CREB1: variants seen among roughly 807,000 people sequenced by gnomAD.
The protein encoded by CREB1 is cyclic AMP-responsive element-binding protein 1.
A neutral mutation model predicts 42.0 loss-of-function variants in CREB1; 2 were observed. The ratio of observed to expected loss-of-function variants is 0.05; its 90% CI spans 0.02 to 0.15. The LOEUF is 0.15. CREB1 is among the 10% of genes least tolerant of loss of function. The pLI is 1.00. For synonymous variants in CREB1, 123 were observed against 139.9 expected (o/e 0.88, Z 0.85); for missense variants, 199 against 388.9 (o/e 0.51, Z 4.11).
intron 1 of CREB1, among the ~76,000 whole-genome samples, chr2:207,555,376 T>C (rs2081675988): frequency 6.6e-6 from 1 of 152,166 alleles, no homozygotes; most frequent in Non-Finnish European, 1.5e-5. Flanking sequence ...CAAGGTAATA[T>C]CCCATTGGGA....
chr2:207,580,949 A>G, intron 7 of CREB1: 1 of 216,824 alleles, frequency 4.6e-6, no homozygotes, highest in East Asian at 6.8e-5. Flanking sequence ...TGTTAGCCAC[A>G]GCACAGGCAA....
At chr2:207,592,450 T>G (rs1460271835) in intron 7 of CREB1, among the ~76,000 whole-genome samples, 1 of 151,676 alleles carries the variant, frequency 6.6e-6, no homozygotes, top group Non-Finnish European at 1.5e-5. Context: ...ATTTAAATGG[T>G]TTCTGACAAG....
In CREB1 at chr2:207,600,238, CATATATAT is replaced by C. The variant is rs71036937; in HGVS notation, c.*3198_*3205del. On this transcript the variant is annotated 3_prime_UTR_variant, in exon 8 of 8. Transcript: ENST00000353267. Reference sequence around the variant, plus strand: ...GTGGCATTTGTATAATATATGTGTACATATATATATATATATATATATATACATACAGT... The same window carrying C: ...GTGGCATTTGTATAATATATGTGTACATATATATATATATATACATACAGT... 1.6e-4 allele frequency: 24 copies of C among 145,678 alleles called. No homozygotes were observed. Among genetic ancestry groups the C allele is most frequent in the South Asian group, 2.3e-4 (1 of 4,424 alleles). 9.0% of individuals were successfully genotyped at this position (145,678 alleles called of 1,614,324 possible).
intron 2 of CREB1, among the ~76,000 whole-genome samples, chr2:207,558,116 A>G (rs1019036638): frequency 6.6e-5 from 10 of 152,230 alleles, no homozygotes; most frequent in African/African-American, 2.4e-4. Flanking sequence ...AGCAAGATTT[A>G]TAGTGGCCAG....
rs2086393578 is a variant in CREB1 at position 207,597,674 on chromosome 2, T to G, written c.*616T>G. 1 of 206,682 alleles carries G rather than the reference T, an allele frequency of 4.8e-6. No homozygotes were observed. The highest frequency in any genetic ancestry group is 9.9e-6 in the Non-Finnish European group (1 of 101,212). The allele number at this position is 206,682 out of a possible 1,614,324, so 12.8% of individuals were successfully genotyped here. The stretch of plus-strand genomic sequence containing the variant: ...CTTCTTCAATACTGAAAATTTGTCC[T>G]TGGTTCTTAAAAGCATTCTGTACTA... On this transcript the variant is annotated 3_prime_UTR_variant, in exon 8 of 8. Coordinates refer to ENST00000353267, the MANE Select transcript of CREB1 (RefSeq NM_004379.5).
chr2:207,531,648 G>A (rs1182326442), intron 1 of CREB1, among the ~76,000 whole-genome samples: 1 of 152,120 alleles, frequency 6.6e-6, no homozygotes, highest in African/African-American at 2.4e-5. Flanking sequence ...GGCTCATTTC[G>A]TGATTTAAAA....
intron 7 of CREB1, among the ~76,000 whole-genome samples, chr2:207,584,890 T>A (rs1014129317): frequency 6.6e-6 from 1 of 152,228 alleles, no homozygotes; most frequent in Non-Finnish European, 1.5e-5. Context: ...ACATTATCTA[T>A]CTTTTGCAGA....
At chr2:207,595,859 C>T (rs1298980256) in intron 7 of CREB1, among the ~76,000 whole-genome samples, 2 of 152,244 alleles carry the variant, frequency 1.3e-5, no homozygotes, top group Non-Finnish European at 1.5e-5. Flanking sequence ...GTGAGCCATA[C>T]ACCTTGCCTA....
At chr2:207,537,026 T>C (rs1182584414) in intron 1 of CREB1, among the ~76,000 whole-genome samples, 1 of 146,526 alleles carries the variant, frequency 6.8e-6, no homozygotes, top group East Asian at 2.0e-4. Context: ...TTGTACCTGC[T>C]AAATGATTAA....
At chr2:207,574,707 T>C (rs1057329518) in intron 5 of CREB1, among the ~76,000 whole-genome samples, 3 of 152,214 alleles carry the variant, frequency 2.0e-5, no homozygotes, top group Non-Finnish European at 4.4e-5. Flanking sequence ...TTAAGTTCCA[T>C]AGGATATTTC....
chr2:207,577,844 G>C (rs1405623485), intron 7 of CREB1, 189 bp downstream of exon 7: 1 of 626,812 alleles, frequency 1.6e-6, no homozygotes. Flanking sequence ...GTATGATTAT[G>C]GGTCAATCTT....
intron 1 of CREB1, among the ~76,000 whole-genome samples, chr2:207,546,542 C>A (rs747443737): frequency 6.6e-6 from 1 of 152,136 alleles, no homozygotes; most frequent in African/African-American, 2.4e-5. Context: ...GCCTGGCCAA[C>A]GTTGTGAAAC....
At chr2:207,596,763 A>G (rs2086255637) in intron 7 of CREB1, 151 bp from the exon 8 acceptor site, 1 of 945,924 alleles carries the variant, frequency 1.1e-6, no homozygotes, top group Non-Finnish European at 1.5e-6. Context: ...GGTAATTTCC[A>G]AGTAATTCTG....
intron 5 of CREB1, among the ~76,000 whole-genome samples, chr2:207,573,516 G>C (rs192931142): frequency 1.4e-4 from 21 of 152,312 alleles, no homozygotes; most frequent in African/African-American, 4.6e-4. Context: ...TGGGAGGACT[G>C]CTTGAGGCCA....
chr2:207,548,454 T>C (rs1357269035), intron 1 of CREB1, among the ~76,000 whole-genome samples: 3 of 152,116 alleles, frequency 2.0e-5, no homozygotes, highest in Non-Finnish European at 4.4e-5. Flanking sequence ...TAAATAATAT[T>C]GAAAAGATTC....
rs539723261 is a variant in CREB1 at position 207,600,308 on chromosome 2, A to G, written c.*3250A>G. 20 of 177,168 alleles carry G rather than the reference A, an allele frequency of 1.1e-4. No homozygotes were observed. In the South Asian group the frequency reaches 3.8e-3, roughly 34 times the overall value. 11.0% of individuals were successfully genotyped at this position (177,168 alleles called of 1,614,324 possible). On this transcript the variant is annotated 3_prime_UTR_variant, in exon 8 of 8. Transcript: ENST00000353267. ...AGCTCTGAGAGCTCTTAAGTCAGGA[A>G]TGCTGAGTATTATAGTATATTGAGG... is the stretch of plus-strand genomic sequence containing the variant.
chr2:207,563,724 A>G (rs2082037134), intron 3 of CREB1, among the ~76,000 whole-genome samples: 1 of 152,158 alleles, frequency 6.6e-6, no homozygotes, highest in Non-Finnish European at 1.5e-5. Context: ...CGGGCGGATC[A>G]CTTGAGCTCA....
intron 1 of CREB1, among the ~76,000 whole-genome samples, chr2:207,545,160 A>G (rs1413336853): frequency 1.3e-5 from 2 of 152,116 alleles, no homozygotes; most frequent in Non-Finnish European, 2.9e-5. Flanking sequence ...ACAATGGTTG[A>G]ACTAACACCA....
At chr2:207,548,648 G>C (rs781738724) in intron 1 of CREB1, among the ~76,000 whole-genome samples, 5 of 152,070 alleles carry the variant, frequency 3.3e-5, no homozygotes, top group Non-Finnish European at 5.9e-5. Context: ...CTACTTGAGA[G>C]GCTGAGGCAG....
Sources: gnomAD v4.1 joint callset for allele counts (sites outside exome capture counted in the v4.1 genomes callset) on GRCh38, gnomAD v4.1.1 for gene constraint, MANE v1.5 for transcripts, NCBI Gene and HGNC (gene_info 2026-07-23, HGNC 2026-07-21) for gene names.